SIPA1L3: variants seen among roughly 807,000 people sequenced by gnomAD.
The protein encoded by SIPA1L3 is signal-induced proliferation-associated 1-like protein 3.
Under a neutral mutation model 150.1 loss-of-function variants are expected in SIPA1L3, and 59 were observed. That is an observed-to-expected ratio of 0.39 (90% CI 0.32 to 0.49). The LOEUF (loss-of-function observed/expected upper bound fraction) is 0.49, where lower values mean the gene tolerates loss of function less well. Among genes scored for constraint, SIPA1L3 ranks in the 20% least tolerant of loss-of-function variants. The pLI, the probability that SIPA1L3 is intolerant of heterozygous loss-of-function variation, is 0.86. For missense variants in SIPA1L3, 2,211 were observed against 2,489.5 expected (o/e 0.89, Z 2.38); for synonymous variants, 1,070 against 1,077.6 (o/e 0.99, Z 0.14).
At chr19:38,026,530 A>G (rs1038923190) in intron 1 of SIPA1L3, among the ~76,000 whole-genome samples, 1 of 152,138 alleles carries the variant, frequency 6.6e-6, no homozygotes, top group African/African-American at 2.4e-5. Flanking sequence ...ATGAGGTTCA[A>G]GGGGCTGACT....
intron 8 of SIPA1L3, among the ~76,000 whole-genome samples, chr19:38,111,941 GCA>G (rs1219489221): frequency 1.3e-5 from 2 of 149,676 alleles, no homozygotes; most frequent in East Asian, 2.0e-4. Flanking sequence ...ACATGCACAT[GCA>G]CACACATACA....
intron 1 of SIPA1L3, among the ~76,000 whole-genome samples, chr19:37,917,655 G>A (rs777298068): frequency 5.9e-5 from 9 of 152,066 alleles, no homozygotes; most frequent in Admixed American, 2.0e-4. Context: ...GGTGTTTAAG[G>A]GGGATAGGGT....
chr19:38,031,150 A>T (rs1968646058), intron 2 of SIPA1L3, among the ~76,000 whole-genome samples: 1 of 152,196 alleles, frequency 6.6e-6, no homozygotes, highest in South Asian at 2.1e-4. Context: ...AAGTGATTTT[A>T]GAGTTATAAA....
intron 1 of SIPA1L3, among the ~76,000 whole-genome samples, chr19:37,973,609 G>A (rs1018325654): frequency 2.5e-5 from 2 of 80,104 alleles, no homozygotes; most frequent in Non-Finnish European, 4.3e-5. Flanking sequence ...CTCTGAGAGT[G>A]CTGCTCGCAT....
intron 6 of SIPA1L3, among the ~76,000 whole-genome samples, chr19:38,102,895 C>A (rs1970538507): frequency 6.6e-6 from 1 of 151,994 alleles, no homozygotes; most frequent in African/African-American, 2.4e-5. Flanking sequence ...GAGGCCGAGG[C>A]GGGTGGATCA....
chr19:38,104,187 CT>C (rs1970569473), intron 6 of SIPA1L3, among the ~76,000 whole-genome samples: 1 of 152,184 alleles, frequency 6.6e-6, no homozygotes, highest in African/African-American at 2.4e-5. Flanking sequence ...GGAGACAAAT[CT>C]TAGAGAGAGA....
At chr19:38,201,840 C>T (rs564354027) in intron 19 of SIPA1L3, 22 bp from the exon 20 acceptor site, 2 of 1,578,536 alleles carry the variant, frequency 1.3e-6, no homozygotes, top group South Asian at 1.2e-5. Context: ...TGACCCCTCT[C>T]CTCCTCCTCC....
chr19:38,027,400 G>A (rs1968538816), intron 1 of SIPA1L3, among the ~76,000 whole-genome samples: 1 of 152,290 alleles, frequency 6.6e-6, no homozygotes, highest in South Asian at 2.1e-4. Context: ...GGAACCCCAG[G>A]GGAATGATCA....
intron 1 of SIPA1L3, among the ~76,000 whole-genome samples, chr19:37,921,992 C>A (rs150280140): frequency 6.6e-6 from 1 of 152,280 alleles, no homozygotes; most frequent in Non-Finnish European, 1.5e-5. Flanking sequence ...TGAGCTCTGT[C>A]TTCAGTATAG....
chr19:38,044,129 G>A (rs925662419), intron 2 of SIPA1L3, among the ~76,000 whole-genome samples: 7 of 152,342 alleles, frequency 4.6e-5, no homozygotes, highest in African/African-American at 1.4e-4. Flanking sequence ...TTTGGGCCTG[G>A]ACACCAGCTG....
chr19:37,977,199 C>G (rs1967096967), intron 1 of SIPA1L3, among the ~76,000 whole-genome samples: 3 of 152,102 alleles, frequency 2.0e-5, no homozygotes, highest in Admixed American at 2.0e-4. Flanking sequence ...GAGGCTTGCT[C>G]TGTCGCCCAG....
intron 1 of SIPA1L3, among the ~76,000 whole-genome samples, chr19:37,953,960 A>G (rs2046786629): frequency 6.6e-6 from 1 of 152,212 alleles, no homozygotes; most frequent in East Asian, 1.9e-4. Flanking sequence ...CTCCTTGTAC[A>G]CTGTAAAGCT....
At chr19:38,068,127 A>G (rs1185493203) in intron 2 of SIPA1L3, among the ~76,000 whole-genome samples, 2 of 147,748 alleles carry the variant, frequency 1.4e-5, no homozygotes, top group African/African-American at 2.5e-5. Flanking sequence ...GGTTCACGCC[A>G]TTCTCCTGCC....
chr19:37,963,204 G>A (rs891453427), intron 1 of SIPA1L3, among the ~76,000 whole-genome samples: 1 of 152,036 alleles, frequency 6.6e-6, no homozygotes, highest in African/African-American at 2.4e-5. Context: ...CTTTCTGCCT[G>A]GCCATCTGGT....
In SIPA1L3 at chr19:38,081,760, C is replaced by T; in HGVS notation, c.195C>T (p.Thr65=). Residue 65 remains threonine, a synonymous_variant, in exon 3 of 22, where the codon ACC becomes ACT. Transcript: ENST00000222345. ...CCACCGCCACCGCCACCGCCACCAC[C>T]CGCCCCAGCCCCACCACTCCCGCAA... ...ATATATATAT[T]RPSPTTPAMP... The T allele has an allele frequency of 6.2e-7, 1 of 1,605,138 alleles. No individual in the cohort carries two copies. The highest frequency in any genetic ancestry group is 8.5e-7 in the Non-Finnish European group (1 of 1,177,020).
rs141670418 is a variant in SIPA1L3 at position 38,119,165 on chromosome 19, C to T, written c.2292-141C>T. On this transcript the variant is annotated intron_variant, in intron 8 of 21. Transcript: ENST00000222345. ...GCGCTATGATTGCACCATTGCACTC[C>T]AGCCTGGGTGACAGAGTGAGACCTG... 2.0e-4 allele frequency: 158 copies of T among 806,170 alleles called. No homozygotes were observed. In the East Asian group the frequency reaches 4.0e-3, roughly 20 times the overall value. The allele number at this position is 806,170 out of a possible 1,614,324, so 49.9% of individuals were successfully genotyped here.
At chr19:37,945,850 A>T (rs1034643724) in intron 1 of SIPA1L3, among the ~76,000 whole-genome samples, 2 of 151,756 alleles carry the variant, frequency 1.3e-5, no homozygotes, top group African/African-American at 4.8e-5. Context: ...CCTGAAACAG[A>T]GTGTCTATTT....
rs550680991 is a variant in SIPA1L3, at chr19:38,164,958, C to G, written c.4208+52C>G. 1.4e-6 allele frequency: 2 copies of G among 1,462,220 alleles called. No individual in the cohort carries two copies. Among genetic ancestry groups the G allele is most frequent in the East Asian group, 4.6e-5 (2 of 43,022 alleles). 90.6% of individuals were successfully genotyped at this position (1,462,220 alleles called of 1,614,324 possible). A position where few individuals can be genotyped will look rare whatever the true frequency, so the allele number is the denominator to read the frequency against. On this transcript the variant is annotated intron_variant, in intron 15 of 21. Transcript: ENST00000222345. The surrounding 1 kb of genome is among the most constrained non-coding windows in gnomAD (Gnocchi z 4.1). ...CTAACCACCTTCCACTTCGCCAGTT[C>G]TACTTTTACGGTCCTGATGGTGGGG...
chr19:38,206,328 T>C lies in SIPA1L3; in HGVS notation c.*88T>C, dbSNP rs1973212892. The C allele has an allele frequency of 1.4e-6, 2 of 1,444,992 alleles. No individual in the cohort carries two copies. 89.5% of individuals were successfully genotyped at this position (1,444,992 alleles called of 1,614,324 possible). A position where few individuals can be genotyped will look rare whatever the true frequency, so the allele number is the denominator to read the frequency against. ...CCTCCACTCAGCTCCCAGCTGCCGGTGTGACCAAGATGACCCATCCAGGGC... is the reference window on the plus strand; with the variant it reads ...CCTCCACTCAGCTCCCAGCTGCCGGCGTGACCAAGATGACCCATCCAGGGC... On this transcript the variant is annotated 3_prime_UTR_variant, in exon 22 of 22. Transcript: ENST00000222345.
Sources: allele counts gnomAD v4.1 joint callset (sites outside exome capture counted in the v4.1 genomes callset), GRCh38; gene constraint gnomAD v4.1.1; non-coding constraint Gnocchi (gnomAD v3.1); transcripts MANE v1.5; gene names NCBI Gene and HGNC (gene_info 2026-07-23, HGNC 2026-07-21).